Variants in FBXO7 observed in about 807,000 individuals in gnomAD.
The protein encoded by FBXO7 is F-box only protein 7.
Under a neutral mutation model 50.2 loss-of-function variants are expected in FBXO7, and 31 were observed. That is an observed-to-expected ratio of 0.62 (90% confidence interval 0.46 to 0.83). FBXO7 has a LOEUF of 0.83. Ranked by LOEUF, FBXO7 falls within the 40% of genes least tolerant of loss-of-function variation. FBXO7 has a pLI of 0.00. For synonymous variants in FBXO7, 256 were observed against 253.1 expected (o/e 1.01, Z -0.11); for missense variants, 667 against 646.6 (o/e 1.03, Z -0.34).
In FBXO7 at chr22:32,485,691, G is replaced by A. The variant is rs1403800927; in HGVS notation, c.787+482G>A. Among the ~76,000 whole-genome samples, 2 of 152,280 alleles carry A rather than the reference G, an allele frequency of 1.3e-5. 1 individual carries two copies. Among genetic ancestry groups the A allele is most frequent in the East Asian group, 3.9e-4 (2 of 5,180 alleles). ...CAGCAATGCACAACAACAATGCTAA[G>A]TTTACTGGGGCCTTAGTAAGTATGT... On this transcript the variant is annotated intron_variant, in intron 4 of 8. Coordinates refer to ENST00000266087, the MANE Select transcript of FBXO7 (RefSeq NM_012179.4).
intron 2 of FBXO7, among the ~76,000 whole-genome samples, chr22:32,482,350 C>T (rs2057469968): frequency 6.6e-6 from 1 of 152,186 alleles, no homozygotes; most frequent in Non-Finnish European, 1.5e-5. Flanking sequence ...CTCCGGCTCC[C>T]CTCCATTTCT....
chr22:32,475,616 G>C (rs1049283631), intron 1 of FBXO7: 6 of 570,620 alleles, frequency 1.1e-5, no homozygotes, highest in Non-Finnish European at 1.8e-5. Context: ...CCCTCAATCC[G>C]AGGCCACCGG....
intron 7 of FBXO7, 80 bp downstream of exon 7, chr22:32,493,361 A>G: frequency 8.3e-7 from 1 of 1,200,012 alleles, no homozygotes; most frequent in Non-Finnish European, 1.2e-6. Context: ...TTTTAGTTGT[A>G]GGATTTTTCT....
At chr22:32,475,491 G>A (rs2057422023) in intron 1 of FBXO7, 1 of 1,518,396 alleles carries the variant, frequency 6.6e-7, no homozygotes, top group African/African-American at 1.4e-5. Flanking sequence ...AGTTGGAAAT[G>A]ATGAGCTTGG....
intron 2 of FBXO7, among the ~76,000 whole-genome samples, chr22:32,481,073 C>A (rs945933927): frequency 7.9e-5 from 12 of 152,118 alleles, no homozygotes; most frequent in African/African-American, 2.9e-4. Context: ...ATGCTTATCA[C>A]CTCAATTTAA....
rs1019457846 is a variant in FBXO7 at position 32,497,677 on chromosome 22, G to A, written c.1183-467G>A. On this transcript the variant is annotated intron_variant, in intron 8 of 8. Coordinates refer to ENST00000266087, the MANE Select transcript of FBXO7 (RefSeq NM_012179.4). ...GGGTAAAATGCCATCAAACAGCATCGCATGTACAGAGAAATCTTTCATGAA... is the reference window on the plus strand; with the variant it reads ...GGGTAAAATGCCATCAAACAGCATCACATGTACAGAGAAATCTTTCATGAA... Among the ~76,000 whole-genome samples, 9 of 151,992 alleles carry A rather than the reference G, an allele frequency of 5.9e-5. No individual in the cohort carries two copies. In the East Asian group the frequency reaches 1.2e-3, roughly 20 times the overall value.
intron 8 of FBXO7, among the ~76,000 whole-genome samples, chr22:32,497,669 A>G (rs2057583830): frequency 6.6e-6 from 1 of 152,150 alleles, no homozygotes. Flanking sequence ...ATGCCATCAA[A>G]CAGCATCGCA....
chr22:32,492,640 A>T (rs1040690525), intron 6 of FBXO7: 1 of 217,322 alleles, frequency 4.6e-6, no homozygotes, highest in African/African-American at 2.4e-5. Context: ...GGTGGAATGT[A>T]ATATTAATCC....
At chr22:32,482,641 T>A (rs1282559802) in intron 2 of FBXO7, among the ~76,000 whole-genome samples, 1 of 152,164 alleles carries the variant, frequency 6.6e-6, no homozygotes, top group Non-Finnish European at 1.5e-5. Flanking sequence ...AATTATAGGA[T>A]CTATAAAAAG....
intron 5 of FBXO7, chr22:32,490,803 G>A (rs947992416): frequency 1.2e-5 from 5 of 402,424 alleles, no homozygotes; most frequent in South Asian, 4.7e-5. Context: ...ATCTTCGTAT[G>A]TATGAATCTC....
intron 2 of FBXO7, among the ~76,000 whole-genome samples, chr22:32,481,666 G>A (rs1036116883): frequency 1.3e-5 from 2 of 152,166 alleles, no homozygotes; most frequent in African/African-American, 4.8e-5. Flanking sequence ...CGTAAAACTT[G>A]AAACCATAGG....
In FBXO7 at chr22:32,474,847, G is replaced by C. The variant is rs1018616862; in HGVS notation, c.-156G>C. On this transcript the variant is annotated 5_prime_UTR_variant, in exon 1 of 9. Transcript: ENST00000266087. Reference sequence around the variant, plus strand: ...GAGACCGAGTGGCAGGGCGGCCACTGTGGCGGGGCTCTTTCCCCGTTTCGC... The same window carrying C: ...GAGACCGAGTGGCAGGGCGGCCACTCTGGCGGGGCTCTTTCCCCGTTTCGC... The C allele has an allele frequency of 1.4e-6, 1 of 724,490 alleles. No homozygotes were observed. Among genetic ancestry groups the C allele is most frequent in the Non-Finnish European group, 2.2e-6 (1 of 463,076 alleles). The allele number at this position is 724,490 out of a possible 1,614,324, so 44.9% of individuals were successfully genotyped here. A position where few individuals can be genotyped will look rare whatever the true frequency, so the allele number is the denominator to read the frequency against.
rs78879501 is a variant in FBXO7 at position 32,481,521 on chromosome 22, G to A, written c.417+2246G>A. On this transcript the variant is annotated intron_variant, in intron 2 of 8. Transcript: ENST00000266087. ...GTTCTAAGATTTTGCATATTGTTTTGTATTCCAAGACTTGTAAAGGGTGAC... is the reference window on the plus strand; with the variant it reads ...GTTCTAAGATTTTGCATATTGTTTTATATTCCAAGACTTGTAAAGGGTGAC... Among the ~76,000 whole-genome samples, 904 of 152,182 alleles carry A rather than the reference G, an allele frequency of 5.9e-3. 3 individuals are homozygous for A. Among genetic ancestry groups the A allele is most frequent in the Middle Eastern group, 0.02 (6 of 294 alleles).
intron 5 of FBXO7, 46 bp from the exon 6 acceptor site, chr22:32,491,040 T>C (rs1305870417): frequency 1.5e-6 from 2 of 1,377,834 alleles, no homozygotes. Context: ...AGGACAGTTT[T>C]TTCACTTGAT....
At chr22:32,487,546 A>T in intron 4 of FBXO7, 199 bp from the exon 5 acceptor site, 1 of 540,528 alleles carries the variant, frequency 1.9e-6, no homozygotes, top group Non-Finnish European at 3.4e-6. Flanking sequence ...GTGGTGTTGT[A>T]GAGTGATTTT....
At chr22:32,488,218 A>G (rs2057511785) in intron 5 of FBXO7, 2 of 171,486 alleles carry the variant, frequency 1.2e-5, no homozygotes, top group Non-Finnish European at 2.5e-5. Context: ...TTCAATGTCA[A>G]GTTCATTATT....
chr22:32,479,340 A>G, intron 2 of FBXO7, 65 bp downstream of exon 2: 1 of 1,442,946 alleles, frequency 6.9e-7, no homozygotes, highest in Non-Finnish European at 9.7e-7. Flanking sequence ...ACCTCAGTTG[A>G]ATTCTGTTCC....
At chr22:32,491,708 A>G (rs2057538400) in intron 6 of FBXO7, 1 of 151,726 alleles carries the variant, frequency 6.6e-6, no homozygotes, top group South Asian at 2.1e-4. Context: ...ACTTAGTTGG[A>G]TATTTCACAT....
In FBXO7 at chr22:32,487,674, C is replaced by A. The variant is rs2057506994; in HGVS notation, c.788-71C>A. Reference sequence around the variant, plus strand: ...ATATTAGGAGCTAGGAAATGCAAGCCCATACTAAAAAAGAAAGGCAGTTGA... The same window carrying A: ...ATATTAGGAGCTAGGAAATGCAAGCACATACTAAAAAAGAAAGGCAGTTGA... On this transcript the variant is annotated intron_variant, in intron 4 of 8. Transcript: ENST00000266087. 19 of 927,822 alleles carry A rather than the reference C, an allele frequency of 2.0e-5. No homozygotes were observed. The South Asian group carries it at 2.5e-4, about 12-fold the overall frequency. 57.5% of individuals were successfully genotyped at this position (927,822 alleles called of 1,614,324 possible). A position where few individuals can be genotyped will look rare whatever the true frequency, so the allele number is the denominator to read the frequency against.
Sources: gnomAD v4.1 joint callset for allele counts (sites outside exome capture counted in the v4.1 genomes callset) on GRCh38, gnomAD v4.1.1 for gene constraint, MANE v1.5 for transcripts, NCBI Gene and HGNC (gene_info 2026-07-23, HGNC 2026-07-21) for gene names.